The following ADAMTSL1 variants were observed in gnomAD, a reference collection of about 807,000 sequenced individuals.
ADAMTSL1 encodes ADAMTS-like protein 1.
In ADAMTSL1, 126 loss-of-function variants were observed where a neutral mutation model predicts 201.8. The observed-to-expected ratio is 0.62, with a 90% CI of 0.54 to 0.72. The LOEUF is 0.72. Ranked by LOEUF, ADAMTSL1 falls within the 30% of genes least tolerant of loss-of-function variation. The probability of loss-of-function intolerance (pLI) is 0.00; values close to 1 mark genes in which losing one functional copy is unlikely to be tolerated. For missense variants in ADAMTSL1, 2,679 were observed against 2,277.8 expected, an observed-to-expected ratio of 1.18 and a Z score of -3.59; for synonymous variants, 1,121 against 903.4, an observed-to-expected ratio of 1.24 and a Z score of -4.32.
chr9:18,658,091 C>T (rs1366051097), intron 8 of ADAMTSL1, among the ~76,000 whole-genome samples: 2 of 151,844 alleles, frequency 1.3e-5, no homozygotes, highest in Non-Finnish European at 2.9e-5. Context: ...TCTCCTGCCT[C>T]AGCCTCCTGA....
intron 4 of ADAMTSL1, among the ~76,000 whole-genome samples, chr9:18,605,838 G>T (rs1587692346): frequency 6.6e-6 from 1 of 152,138 alleles, no homozygotes; most frequent in African/African-American, 2.4e-5. Context: ...GAGTATAAAG[G>T]TGCTTTGATA....
At chr9:18,607,744 C>T (rs973495058) in intron 4 of ADAMTSL1, among the ~76,000 whole-genome samples, 1 of 146,402 alleles carries the variant, frequency 6.8e-6, no homozygotes, top group Non-Finnish European at 1.5e-5. Flanking sequence ...CACCCCACAA[C>T]AGTCCCCAGA....
chr9:18,403,118 C>A (rs571932783), intron 2 of ADAMTSL1, among the ~76,000 whole-genome samples: 9 of 151,872 alleles, frequency 5.9e-5, no homozygotes, highest in African/African-American at 2.2e-4. Context: ...TCAGTCTAAG[C>A]GCTGCTCATT....
chr9:18,753,351 AG>A lies in ADAMTSL1; in HGVS notation c.2061del (p.Thr688ProfsTer14). 1 of 1,612,632 alleles carries A rather than the reference AG, an allele frequency of 6.2e-7. No homozygotes were observed. Among genetic ancestry groups the A allele is most frequent in the Non-Finnish European group, 8.5e-7 (1 of 1,179,420 alleles). ...PCSLTCGVGL[Q>X]TRDVFCSHLL... ...AGTCTCACATGTGGGGTCGGCCTACAGACCAGAGACGTCTTCTGCAGCCACC... is the reference window on the plus strand; with the variant it reads ...AGTCTCACATGTGGGGTCGGCCTACAACCAGAGACGTCTTCTGCAGCCACC... On this transcript the variant is annotated frameshift_variant, in exon 16 of 29. Transcript: ENST00000380548. LOFTEE classifies it high-confidence loss of function.
rs148958236 is a variant in ADAMTSL1 at position 18,483,794 on chromosome 9, T to A, written c.63+9499T>A. ...GTGAGCCGAGATTGTGCCACTGCAC[T>A]CCAGCCTGGGCGACAGAGCAAGACT... is the stretch of plus-strand genomic sequence containing the variant. On this transcript the variant is annotated intron_variant, in intron 1 of 28. Transcript: ENST00000380548. 1.1e-3 allele frequency among the ~76,000 whole-genome samples: 167 copies of A among 152,244 alleles called. 1 individual carries two copies. Among genetic ancestry groups the A allele is most frequent in the African/African-American group, 3.9e-3 (161 of 41,534 alleles).
intron 1 of ADAMTSL1, among the ~76,000 whole-genome samples, chr9:17,976,051 G>T (rs559132990): frequency 7.8e-4 from 119 of 151,894 alleles, no homozygotes; most frequent in African/African-American, 2.7e-3. Flanking sequence ...TTTATTTCTG[G>T]GCTCTCTGTC....
chr9:18,759,451 A>ATAG (rs528305573), intron 16 of ADAMTSL1, among the ~76,000 whole-genome samples: 5 of 152,246 alleles, frequency 3.3e-5, no homozygotes, highest in Admixed American at 6.5e-5. Context: ...GCAGAGTCAC[A>ATAG]TAGTAATCAG....
chr9:18,067,356 G>T (rs1001574108), intron 1 of ADAMTSL1, among the ~76,000 whole-genome samples: 1 of 148,764 alleles, frequency 6.7e-6, no homozygotes, highest in Non-Finnish European at 1.5e-5. Context: ...CTGGCATGCA[G>T]TGAAAATTCA....
At chr9:18,531,345 A>T (rs1249900313) in intron 2 of ADAMTSL1, among the ~76,000 whole-genome samples, 1 of 152,234 alleles carries the variant, frequency 6.6e-6, no homozygotes. Context: ...CAGTAAGGTC[A>T]GCATGAGTCA....
At chr9:18,400,476 C>T (rs994168016) in intron 2 of ADAMTSL1, among the ~76,000 whole-genome samples, 4 of 152,292 alleles carry the variant, frequency 2.6e-5, no homozygotes, top group Non-Finnish European at 5.9e-5. Context: ...GTTCATAATA[C>T]GCTCTAACAG....
intron 23 of ADAMTSL1, among the ~76,000 whole-genome samples, chr9:18,854,913 TA>T (rs2131387260): frequency 6.6e-6 from 1 of 152,344 alleles, no homozygotes; most frequent in South Asian, 2.1e-4. Context: ...GTTATAATTG[TA>T]AATTATTTTG....
At chr9:18,150,217 T>G (rs76619029) in intron 1 of ADAMTSL1, among the ~76,000 whole-genome samples, 3 of 152,052 alleles carry the variant, frequency 2.0e-5, no homozygotes, top group Non-Finnish European at 4.4e-5. Flanking sequence ...TAGAATAAGA[T>G]AGTAGTGGTA....
At chr9:18,168,010 AAAGAG>A (rs1217736355) in intron 2 of ADAMTSL1, among the ~76,000 whole-genome samples, 2 of 152,044 alleles carry the variant, frequency 1.3e-5, no homozygotes, top group Non-Finnish European at 2.9e-5. Flanking sequence ...TTTGTGGAAT[AAAGAG>A]AAGAATGAAC....
chr9:18,436,208 G>A (rs1194904147), intron 2 of ADAMTSL1, among the ~76,000 whole-genome samples: 1 of 152,110 alleles, frequency 6.6e-6, no homozygotes, highest in East Asian at 1.9e-4. Context: ...GAAGAAGATT[G>A]TGCAGGACTG....
At chr9:18,762,346 T>TA (rs1355977768) in intron 16 of ADAMTSL1, among the ~76,000 whole-genome samples, 9 of 151,732 alleles carry the variant, frequency 5.9e-5, no homozygotes, top group South Asian at 2.1e-4. Flanking sequence ...AAGTGGCCTT[T>TA]AAAAAAAATA....
chr9:18,364,809 T>TC (rs1176121504), intron 2 of ADAMTSL1, among the ~76,000 whole-genome samples: 2 of 151,990 alleles, frequency 1.3e-5, no homozygotes, highest in Non-Finnish European at 2.9e-5. Context: ...AACAGGCAGG[T>TC]CACACATGGC....
intron 20 of ADAMTSL1, among the ~76,000 whole-genome samples, chr9:18,807,662 A>AC (rs148036050): frequency 0.033 from 4,996 of 151,390 alleles, 285 homozygotes; most frequent in African/African-American, 0.11. Flanking sequence ...AAAAAAACAA[A>AC]AAAAAAACAA....
At chr9:18,259,353 G>A (rs1445645443) in intron 2 of ADAMTSL1, among the ~76,000 whole-genome samples, 2 of 151,874 alleles carry the variant, frequency 1.3e-5, no homozygotes, top group East Asian at 1.9e-4. Context: ...GGTGAAACCC[G>A]TCTCTACAAA....
chr9:18,344,736 G>A (rs1468505629), intron 2 of ADAMTSL1, among the ~76,000 whole-genome samples: 1 of 152,118 alleles, frequency 6.6e-6, no homozygotes, highest in Non-Finnish European at 1.5e-5. Context: ...GAGCTACAGG[G>A]CTGGGAAAAT....
Sources: gnomAD v4.1 joint callset for allele counts (sites outside exome capture counted in the v4.1 genomes callset) on GRCh38, gnomAD v4.1.1 for gene constraint, MANE v1.5 for transcripts, NCBI Gene and HGNC (gene_info 2026-07-23, HGNC 2026-07-21) for gene names.